The following LDB3 variants were observed in gnomAD, a reference collection of about 807,000 sequenced individuals.
LDB3 encodes LIM domain binding 3.
A neutral mutation model predicts 69.0 loss-of-function variants in LDB3; 49 were observed. That is an observed-to-expected ratio of 0.71 (90% CI 0.56 to 0.90). The LOEUF is 0.90. Ranked by LOEUF, LDB3 falls within the 40% of genes least tolerant of loss-of-function variation. The pLI is 0.00. For synonymous variants in LDB3, 387 were observed against 396.2 expected (o/e 0.98, Z 0.28); for missense variants, 928 against 974.1 (o/e 0.95, Z 0.63).
chr10:86,685,624 C>T (rs1845425063), intron 5 of LDB3: 1 of 1,600,766 alleles, frequency 6.2e-7, no homozygotes, highest in Non-Finnish European at 8.6e-7. Flanking sequence ...TCAAACTGCC[C>T]CTGGTGGAGC....
At chr10:86,670,882 T>C (rs996135069) in intron 2 of LDB3, among the ~76,000 whole-genome samples, 1 of 152,210 alleles carries the variant, frequency 6.6e-6, no homozygotes, top group African/African-American at 2.4e-5. Context: ...GGTAGGCTGC[T>C]GATAGCCTGG....
rs149979362 is a variant in LDB3 at position 86,675,282 on chromosome 10, A to G, written c.94-4085A>G. Among the ~76,000 whole-genome samples, 41 of 152,350 alleles carry G rather than the reference A, an allele frequency of 2.7e-4. 1 individual carries two copies. In the East Asian group the frequency reaches 7.9e-3, roughly 29 times the overall value. ...GGGGAGGGCTGGTGCCCGCTGACCC[A>G]TGCCTGTGGGAGAAAGATGTCTCTG... On this transcript the variant is annotated intron_variant, in intron 2 of 13. Coordinates refer to ENST00000361373, the MANE Select transcript of LDB3 (RefSeq NM_007078.3).
chr10:86,671,400 C>T (rs1333744000), intron 2 of LDB3, among the ~76,000 whole-genome samples: 1 of 152,182 alleles, frequency 6.6e-6, no homozygotes, highest in Non-Finnish European at 1.5e-5. Flanking sequence ...GGGCTCATGG[C>T]AGCAACTTTG....
Position 86,718,667 on chromosome 10 carries a change from G to T in LDB3, c.1858-60G>T, listed in dbSNP as rs1028005209. ...GCTCGGGCAGTGGCTGGAGCCTGGT[G>T]GGGTAGTCAAGCCCGCTCCCTCTCT... On this transcript the variant is annotated intron_variant, in intron 11 of 13. Transcript: ENST00000361373. 3 of 1,612,096 alleles carry T rather than the reference G, an allele frequency of 1.9e-6. No individual in the cohort carries two copies. In the African/African-American group the frequency reaches 4.0e-5, roughly 22 times the overall value.
At chr10:86,684,425 C>G (rs1167612674) in intron 5 of LDB3, among the ~76,000 whole-genome samples, 2 of 152,256 alleles carry the variant, frequency 1.3e-5, no homozygotes, top group Non-Finnish European at 2.9e-5. Flanking sequence ...GCCAACACTG[C>G]CCTCTGCAGG....
chr10:86,721,272 A>C (rs12570979), intron 12 of LDB3, among the ~76,000 whole-genome samples: 26,388 of 152,160 alleles, frequency 0.17, 2,882 homozygotes, highest in East Asian at 0.57. Context: ...AGCTATCCTA[A>C]CGGGTATGAG....
intron 3 of LDB3, 22 bp downstream of exon 3, chr10:86,679,540 C>T: frequency 6.2e-7 from 1 of 1,612,990 alleles, no homozygotes; most frequent in Non-Finnish European, 8.5e-7. Flanking sequence ...CTCTCCAGAG[C>T]AGGGGGCGGA....
chr10:86,723,796 T>C (rs1166590849), intron 12 of LDB3, among the ~76,000 whole-genome samples: 1 of 152,224 alleles, frequency 6.6e-6, no homozygotes, highest in East Asian at 1.9e-4. Flanking sequence ...TAAGAGCATT[T>C]GCATGACAAG....
At chr10:86,680,029 C>A in intron 3 of LDB3, 53 bp from the exon 4 acceptor site, 1 of 1,515,650 alleles carries the variant, frequency 6.6e-7, no homozygotes, top group Non-Finnish European at 9.2e-7. Context: ...CAGGCAGGAG[C>A]TTCTGGCCCC....
At chr10:86,710,869 G>A (rs1411183261) in intron 9 of LDB3, among the ~76,000 whole-genome samples, 1 of 152,206 alleles carries the variant, frequency 6.6e-6, no homozygotes, top group Non-Finnish European at 1.5e-5. Context: ...CTCTGCTCTC[G>A]AAGGCAAAGT....
chr10:86,694,675 GGACCCA>G (rs1381030986), intron 7 of LDB3, among the ~76,000 whole-genome samples: 1 of 152,298 alleles, frequency 6.6e-6, no homozygotes, highest in East Asian at 1.9e-4. Flanking sequence ...GTGATCCCAT[GGACCCA>G]GAGGCAGGTG....
intron 9 of LDB3, among the ~76,000 whole-genome samples, chr10:86,716,091 C>G (rs1457593275): frequency 6.6e-6 from 1 of 152,106 alleles, no homozygotes; most frequent in Non-Finnish European, 1.5e-5. Context: ...TAGCCATGTC[C>G]CTTTTCCAGC....
At chr10:86,693,204 C>T (rs564853720) in intron 7 of LDB3, among the ~76,000 whole-genome samples, 6 of 152,194 alleles carry the variant, frequency 3.9e-5, no homozygotes, top group Middle Eastern at 3.4e-3. Flanking sequence ...CACTGTGGCC[C>T]GTCAGGTGCT....
intron 7 of LDB3, among the ~76,000 whole-genome samples, chr10:86,701,707 A>T (rs1033167789): frequency 6.6e-6 from 1 of 152,228 alleles, no homozygotes; most frequent in African/African-American, 2.4e-5. Flanking sequence ...TTTTATCATC[A>T]GGAATGGTTA....
chr10:86,670,716 T>C (rs932480400), intron 2 of LDB3, among the ~76,000 whole-genome samples: 3 of 152,156 alleles, frequency 2.0e-5, no homozygotes, highest in African/African-American at 7.2e-5. Flanking sequence ...CTTCTAAAAA[T>C]AGAACCCGAA....
rs186597677 is a variant in LDB3, at chr10:86,678,857, C to T, written c.94-510C>T. Among the ~76,000 whole-genome samples, 380 of 151,440 alleles carry T rather than the reference C, an allele frequency of 2.5e-3. 2 individuals are homozygous for T. Among genetic ancestry groups the T allele is most frequent in the African/African-American group, 8.9e-3 (366 of 41,212 alleles). On this transcript the variant is annotated intron_variant, in intron 2 of 13. Coordinates refer to ENST00000361373, the MANE Select transcript of LDB3 (RefSeq NM_007078.3). ...TCTGGGCTCCTTTGCCTGGGCTGGC[C>T]TCAAACTCCTGGCCTCAAGCAATTC...
chr10:86,716,447 C>T lies in LDB3; in HGVS notation c.1352C>T (p.Pro451Leu). 6.2e-7 allele frequency: 1 copy of T among 1,600,866 alleles called. No individual in the cohort carries two copies. The highest frequency in any genetic ancestry group is 8.5e-7 in the Non-Finnish European group (1 of 1,174,440). Residue 451 changes from proline to leucine, a missense_variant, in exon 10 of 14, where the codon CCC becomes CTC. By Grantham distance (98) the Pro-to-Leu change is moderately conservative. Transcript: ENST00000361373. ...CCTGCCTACACCCCCTCACCTGTCC[C>T]CACCTACACTCCATCCCCAGCACCA... Reference protein sequence around the residue: ...PAPAYTPSPVPTYTPSPAPAY... With the variant: ...PAPAYTPSPVLTYTPSPAPAY...
intron 12 of LDB3, 94 bp from the exon 13 acceptor site, chr10:86,726,043 C>T: frequency 1.3e-6 from 1 of 785,004 alleles, no homozygotes. Flanking sequence ...AGATTTCACC[C>T]CCTGCTTCTG....
intron 2 of LDB3, among the ~76,000 whole-genome samples, chr10:86,673,849 G>A (rs1273751194): frequency 9.9e-5 from 15 of 152,190 alleles, no homozygotes; most frequent in African/African-American, 2.4e-4. Flanking sequence ...TTTGAACACC[G>A]GGAGTGAATG....
Sources: gnomAD v4.1 joint callset for allele counts (sites outside exome capture counted in the v4.1 genomes callset) on GRCh38, gnomAD v4.1.1 for gene constraint, MANE v1.5 for transcripts, NCBI Gene and HGNC (gene_info 2026-07-23, HGNC 2026-07-21) for gene names.